The following MACROD2 variants were observed in gnomAD, a reference collection of about 807,000 sequenced individuals.
MACROD2 encodes the protein mono-ADP ribosylhydrolase 2.
In MACROD2, 36 loss-of-function variants were observed where a neutral mutation model predicts 70.4. The observed-to-expected ratio is 0.51, with a 90% CI of 0.39 to 0.68. The LOEUF is 0.68. Ranked by LOEUF, MACROD2 falls within the 30% of genes least tolerant of loss-of-function variation. The probability of loss-of-function intolerance (pLI) is 0.00; values close to 1 mark genes in which losing one functional copy is unlikely to be tolerated. For missense variants in MACROD2, 496 were observed against 538.4 expected, an observed-to-expected ratio of 0.92 and a Z score of 0.78; for synonymous variants, 172 against 178.8, an observed-to-expected ratio of 0.96 and a Z score of 0.30.
At chr20:14,878,260 C>A (rs1344660201) in intron 5 of MACROD2, among the ~76,000 whole-genome samples, 1 of 152,096 alleles carries the variant, frequency 6.6e-6, no homozygotes, top group African/African-American at 2.4e-5. Context: ...CATCCTTAAA[C>A]CCTAAAAATA....
intron 4 of MACROD2, among the ~76,000 whole-genome samples, chr20:14,567,765 T>C (rs1207368218): frequency 6.6e-6 from 1 of 152,062 alleles, no homozygotes; most frequent in East Asian, 1.9e-4. Flanking sequence ...GCCAGATATT[T>C]GGATGGAAAA....
intron 5 of MACROD2, among the ~76,000 whole-genome samples, chr20:15,060,635 G>A (rs768026434): frequency 7.9e-5 from 12 of 152,128 alleles, no homozygotes; most frequent in Non-Finnish European, 1.6e-4. Flanking sequence ...TCTGCTAGCT[G>A]TAACAAATCC....
chr20:15,483,015 C>T lies in MACROD2; in HGVS notation c.572-16759C>T, dbSNP rs141036301. 7.2e-5 allele frequency among the ~76,000 whole-genome samples: 11 copies of T among 152,146 alleles called. No homozygotes were observed. The East Asian group carries it at 2.1e-3, about 29-fold the overall frequency. On this transcript the variant is annotated intron_variant, in intron 7 of 17. Coordinates refer to ENST00000684519, the MANE Select transcript of MACROD2 (RefSeq NM_001351661.2). ...GCAAATATTTTCACTCTATCTGTGG[C>T]TTGCCTTCTCATTCTATTGATGTTG...
chr20:15,229,937 C>T lies in MACROD2; in HGVS notation c.419-3C>T, dbSNP rs748031146. 96 of 1,600,832 alleles carry T rather than the reference C, an allele frequency of 6.0e-5. 1 individual carries two copies. The Admixed American group carries it at 1.5e-3, about 25-fold the overall frequency. On this transcript the variant is annotated splice_polypyrimidine_tract_variant and splice_region_variant and intron_variant, in intron 5 of 17. Transcript: ENST00000684519. Reference sequence around the variant, plus strand: ...CTCTTTTTCCTTCCTTTTGTATTTACAGATGTCATCCATACTGTAGGGCCA... The same window carrying T: ...CTCTTTTTCCTTCCTTTTGTATTTATAGATGTCATCCATACTGTAGGGCCA...
chr20:14,742,154 T>G (rs1292114939), intron 5 of MACROD2, among the ~76,000 whole-genome samples: 3 of 152,164 alleles, frequency 2.0e-5, no homozygotes, highest in Non-Finnish European at 4.4e-5. Context: ...TTGGAAGAAA[T>G]TTTATAAGAA....
intron 6 of MACROD2, among the ~76,000 whole-genome samples, chr20:15,233,838 C>A (rs1184668012): frequency 6.7e-6 from 1 of 150,202 alleles, no homozygotes; most frequent in East Asian, 1.9e-4. Flanking sequence ...AAAAATATGA[C>A]CAATCTTTCA....
chr20:15,827,202 T>C (rs1043639470), intron 8 of MACROD2, among the ~76,000 whole-genome samples: 16 of 152,200 alleles, frequency 1.1e-4, no homozygotes, highest in African/African-American at 3.4e-4. Context: ...CTTCAGTGAA[T>C]GTCACTTGAC....
Position 14,673,353 on chromosome 20 carries a change from C to T in MACROD2, c.302-11490C>T, listed in dbSNP as rs911128803. Among the ~76,000 whole-genome samples the T allele has an allele frequency of 7.9e-5, 12 of 152,124 alleles. 1 individual carries two copies. The highest frequency in any genetic ancestry group is 2.1e-4 in the South Asian group (1 of 4,828). The stretch of plus-strand genomic sequence containing the variant: ...GAGCTGTGTCAATAAAACAAGATAA[C>T]GTGGAGGAATGCTTCTCAAAGTTCT... On this transcript the variant is annotated intron_variant, in intron 4 of 17. Coordinates refer to ENST00000684519, the MANE Select transcript of MACROD2 (RefSeq NM_001351661.2).
chr20:14,953,338 T>C (rs1470435819), intron 5 of MACROD2, among the ~76,000 whole-genome samples: 1 of 152,100 alleles, frequency 6.6e-6, no homozygotes, highest in African/African-American at 2.4e-5. Flanking sequence ...CAGGAGTCTC[T>C]CTCTGTCGCC....
At chr20:14,273,660 G>T (rs2082220322) in intron 3 of MACROD2, among the ~76,000 whole-genome samples, 2 of 151,256 alleles carry the variant, frequency 1.3e-5, no homozygotes, top group Non-Finnish European at 2.9e-5. Context: ...AGAACTGAAG[G>T]AAATAGAGAC....
At chr20:15,619,695 C>T in intron 8 of MACROD2, 1 of 244,578 alleles carries the variant, frequency 4.1e-6, no homozygotes, top group South Asian at 6.9e-5. Context: ...AGCTGGGCCC[C>T]CAGGCCTTTG....
At chr20:15,638,549 C>T (rs905513801) in intron 8 of MACROD2, among the ~76,000 whole-genome samples, 1 of 152,146 alleles carries the variant, frequency 6.6e-6, no homozygotes, top group Non-Finnish European at 1.5e-5. Flanking sequence ...GGCAGTGAAC[C>T]TCAGGACTGT....
At chr20:14,954,516 T>G (rs1035078163) in intron 5 of MACROD2, among the ~76,000 whole-genome samples, 6 of 139,554 alleles carry the variant, frequency 4.3e-5, no homozygotes, top group Admixed American at 1.5e-4. Context: ...TATTATATAA[T>G]TAATATTATA....
chr20:15,431,459 T>A, intron 7 of MACROD2, 24 bp downstream of exon 7: 6 of 1,604,034 alleles, frequency 3.7e-6, no homozygotes, highest in Non-Finnish European at 5.1e-6. Context: ...CTTTTGATGA[T>A]GTTTGTATTT....
intron 8 of MACROD2, among the ~76,000 whole-genome samples, chr20:15,824,644 G>A (rs2063977103): frequency 1.3e-5 from 2 of 152,166 alleles, no homozygotes; most frequent in Non-Finnish European, 2.9e-5. Context: ...AGTGTAGCCT[G>A]GCATGAGGAA....
chr20:15,077,127 C>G (rs2075664461), intron 5 of MACROD2, among the ~76,000 whole-genome samples: 1 of 152,002 alleles, frequency 6.6e-6, no homozygotes. Context: ...CAAAACAGAC[C>G]CTGAATTGTT....
intron 3 of MACROD2, among the ~76,000 whole-genome samples, chr20:14,121,674 T>C (rs925304461): frequency 1.3e-5 from 2 of 152,222 alleles, no homozygotes; most frequent in Non-Finnish European, 2.9e-5. Context: ...TTTTGTATTA[T>C]TCTTGTTGAG....
chr20:15,898,549 TAAAAAAAAAAAA>T (rs10678216), intron 10 of MACROD2, among the ~76,000 whole-genome samples: 1 of 94,530 alleles, frequency 1.1e-5, no homozygotes, highest in Non-Finnish European at 1.9e-5. Context: ...AGACTCAGTC[TAAAAAAAAAAAA>T]AAAAAAAAAC....
rs559814675 is a variant in MACROD2, at chr20:15,137,725, T to A, written c.419-92215T>A. Among the ~76,000 whole-genome samples the A allele has an allele frequency of 6.6e-5, 10 of 151,598 alleles. No individual in the cohort carries two copies. The East Asian group carries it at 1.8e-3, about 27-fold the overall frequency. ...AAAGTATAATAATAATAAAAAAAAATAATAATCTTAAAGGTAAGGTACAGA... is the reference window on the plus strand; with the variant it reads ...AAAGTATAATAATAATAAAAAAAAAAAATAATCTTAAAGGTAAGGTACAGA... On this transcript the variant is annotated intron_variant, in intron 5 of 17. Transcript: ENST00000684519.
Sources: gnomAD v4.1 joint callset for allele counts (sites outside exome capture counted in the v4.1 genomes callset) on GRCh38, gnomAD v4.1.1 for gene constraint, MANE v1.5 for transcripts, NCBI Gene and HGNC (gene_info 2026-07-23, HGNC 2026-07-21) for gene names.